The following CLPTM1 variants were observed in gnomAD, a reference collection of about 807,000 sequenced individuals.
CLPTM1 encodes the protein CLPTM1 regulator of GABA type A receptor forward trafficking.
A neutral mutation model predicts 77.3 loss-of-function variants in CLPTM1; 21 were observed. The ratio of observed to expected loss-of-function variants is 0.27; its 90% CI spans 0.19 to 0.39. The LOEUF is 0.39. Among genes scored for constraint, CLPTM1 ranks in the 10% least tolerant of loss-of-function variants. The pLI, the probability that CLPTM1 is intolerant of heterozygous loss-of-function variation, is 1.00. For missense variants in CLPTM1, 642 were observed against 921.2 expected, an observed-to-expected ratio of 0.70 and a Z score of 3.92; for synonymous variants, 373 against 381.0, an observed-to-expected ratio of 0.98 and a Z score of 0.24.
chr19:44,981,905 C>G (rs1555722282), intron 5 of CLPTM1, among the ~76,000 whole-genome samples: 1 of 151,506 alleles, frequency 6.6e-6, no homozygotes, highest in Non-Finnish European at 1.5e-5. Flanking sequence ...CCCTGTCTCA[C>G]AAATAAATAA....
intron 2 of CLPTM1, among the ~76,000 whole-genome samples, chr19:44,968,371 G>T (rs544853009): frequency 1.3e-5 from 2 of 152,172 alleles, no homozygotes; most frequent in Non-Finnish European, 2.9e-5. Context: ...GGTGGAGCAG[G>T]AACTGGGTAT....
At chr19:44,963,039 A>T (rs906645147) in intron 2 of CLPTM1, among the ~76,000 whole-genome samples, 3 of 132,502 alleles carry the variant, frequency 2.3e-5, no homozygotes, top group Non-Finnish European at 4.9e-5. Flanking sequence ...AAAATAAAAA[A>T]TACAAAAAAA....
At position 44,991,516 on chromosome 19, in the gene CLPTM1, A is replaced by G. The variant is rs1971075773; in HGVS notation, c.1555+143A>G. The G allele has an allele frequency of 3.2e-6, 3 of 943,630 alleles. No individual in the cohort carries two copies. Among genetic ancestry groups the G allele is most frequent in the Middle Eastern group, 3.4e-4 (1 of 2,970 alleles). 58.5% of individuals were successfully genotyped at this position (943,630 alleles called of 1,614,324 possible). ...GATATAGGGAGGCCCGAGGGCACAC[A>G]TGGCCCCATCTGGGGTCAGAGAGGA... On this transcript the variant is annotated intron_variant, in intron 12 of 13. Coordinates refer to ENST00000337392, the MANE Select transcript of CLPTM1 (RefSeq NM_001294.4). The surrounding 1 kb of genome is among the most constrained non-coding windows in gnomAD (Gnocchi z 5.4).
At position 44,990,333 on chromosome 19, in the gene CLPTM1, A is replaced by T; in HGVS notation, c.1133-62A>T. On this transcript the variant is annotated intron_variant, in intron 9 of 13. Coordinates refer to ENST00000337392, the MANE Select transcript of CLPTM1 (RefSeq NM_001294.4). This position sits in a 1 kb window ranked among gnomAD's most constrained non-coding sequence, Gnocchi z 4.8. ...GATGCAGGCCAAGGGGGCCTGAGGG[A>T]GCTGCAGTAGGGTCTCAGCACCTCC... The T allele has an allele frequency of 6.5e-7, 1 of 1,550,240 alleles. No individual in the cohort carries two copies.
At chr19:44,973,379 C>T (rs1970753050) in intron 3 of CLPTM1, among the ~76,000 whole-genome samples, 169 bp downstream of exon 3, 1 of 152,310 alleles carries the variant, frequency 6.6e-6, no homozygotes, top group African/African-American at 2.4e-5. Context: ...CACGTGAGAC[C>T]TCTGTCACCT....
At chr19:44,981,871 T>C (rs1473121296) in intron 5 of CLPTM1, among the ~76,000 whole-genome samples, 1 of 151,996 alleles carries the variant, frequency 6.6e-6, no homozygotes, top group African/African-American at 2.4e-5. Context: ...ACCACTGCAC[T>C]CTAGCCTGGA....
intron 2 of CLPTM1, among the ~76,000 whole-genome samples, chr19:44,966,125 A>G (rs1970624052): frequency 6.6e-6 from 1 of 152,112 alleles, no homozygotes; most frequent in African/African-American, 2.4e-5. Context: ...AAAAAGTGTA[A>G]TGTGGGCCGG....
chr19:44,991,432 C>A lies in CLPTM1; in HGVS notation c.1555+59C>A, dbSNP rs1971074326. 1 of 1,585,546 alleles carries A rather than the reference C, an allele frequency of 6.3e-7. No individual in the cohort carries two copies. Among genetic ancestry groups the A allele is most frequent in the East Asian group, 2.2e-5 (1 of 44,566 alleles). ...CCCCATGCTGCGCAGGGCTCACAGC[C>A]CCAGTGTAGGAGACAGACCCATCCC... is the stretch of plus-strand genomic sequence containing the variant. On this transcript the variant is annotated intron_variant, in intron 12 of 13. Transcript: ENST00000337392. This position sits in a 1 kb window ranked among gnomAD's most constrained non-coding sequence, Gnocchi z 5.4.
chr19:44,974,589 A>G lies in CLPTM1; in HGVS notation c.460A>G (p.Ile154Val), dbSNP rs1307561603. The G allele has an allele frequency of 6.2e-7, 1 of 1,613,924 alleles. No individual in the cohort carries two copies. The highest frequency in any genetic ancestry group is 8.5e-7 in the Non-Finnish European group (1 of 1,179,830). The part of the protein sequence containing the change: ...GCYEHFAELD[I>V]PQSVQQNGSI... ...CTACGAGCACTTTGCTGAGCTCGAT[A>G]TCCCACAGGTGGGGGCAGCTCTCGG... is the stretch of plus-strand genomic sequence containing the variant. The change falls in exon 4 of 14, where the codon ATC (isoleucine) becomes GTC (valine). Residue 154 changes from isoleucine to valine, a missense_variant. By Grantham distance (29) the Ile-to-Val change is conservative. This residue lies in a region of CLPTM1 where 521 missense variants were observed against 800.4 expected (regional missense o/e 0.65). Coordinates refer to ENST00000337392, the MANE Select transcript of CLPTM1 (RefSeq NM_001294.4).
chr19:44,972,091 G>A (rs117002742), intron 2 of CLPTM1, among the ~76,000 whole-genome samples: 7 of 151,064 alleles, frequency 4.6e-5, no homozygotes, highest in African/African-American at 7.3e-5. Flanking sequence ...CGATGATCTC[G>A]ATTTCTTGAC....
In CLPTM1 at chr19:44,991,243, A is replaced by G. The variant is rs1314745553; in HGVS notation, c.1425A>G (p.Ala475=). ...ESSTKVYDDM[A]FRYLSWILFP... ...CCCACCCTGTGGCCCCACAGATGGC[A>G]TTCCGGTACCTGTCCTGGATCCTCT... Residue 475 remains alanine (A), a synonymous_variant, in exon 12 of 14, where the codon GCA becomes GCG. Coordinates refer to ENST00000337392, the MANE Select transcript of CLPTM1 (RefSeq NM_001294.4). The surrounding 1 kb of genome is among the most constrained non-coding windows in gnomAD (Gnocchi z 5.4). The G allele has an allele frequency of 6.2e-7, 1 of 1,613,822 alleles. No individual in the cohort carries two copies. The highest frequency in any genetic ancestry group is 1.3e-5 in the African/African-American group (1 of 74,906).
rs369237301 is a variant in CLPTM1, at chr19:44,992,433, C to T, written c.1723+33C>T. 5.3e-5 allele frequency: 85 copies of T among 1,612,820 alleles called. No individual in the cohort carries two copies. The highest frequency in any genetic ancestry group is 8.8e-5 in the South Asian group (8 of 91,014). ...CCGGTGGGCAGGTGGGAGCTCCCAC[C>T]GGAACAGGGCCCTGAGGCAGTCTTT... On this transcript the variant is annotated intron_variant, in intron 13 of 13. Coordinates refer to ENST00000337392, the MANE Select transcript of CLPTM1 (RefSeq NM_001294.4). This position sits in a 1 kb window ranked among gnomAD's most constrained non-coding sequence, Gnocchi z 7.7.
At chr19:44,980,798 AT>A (rs967922578) in intron 5 of CLPTM1, among the ~76,000 whole-genome samples, 1 of 151,308 alleles carries the variant, frequency 6.6e-6, no homozygotes, top group African/African-American at 2.4e-5. Context: ...ACAAAAAAAA[AT>A]TTTATTTTAT....
At chr19:44,960,744 G>A (rs555016689) in intron 1 of CLPTM1, among the ~76,000 whole-genome samples, 1 of 152,306 alleles carries the variant, frequency 6.6e-6, no homozygotes. Flanking sequence ...GAGGGAAGTG[G>A]GTTTGGGTGA....
intron 5 of CLPTM1, among the ~76,000 whole-genome samples, chr19:44,978,336 C>T (rs1274876331): frequency 3.4e-5 from 5 of 146,930 alleles, no homozygotes; most frequent in East Asian, 2.0e-4. Context: ...ATCCAGGAGG[C>T]GGAGGTTGCA....
chr19:44,967,233 C>T (rs1442292978), intron 2 of CLPTM1, among the ~76,000 whole-genome samples: 2 of 152,118 alleles, frequency 1.3e-5, no homozygotes, highest in African/African-American at 2.4e-5. Flanking sequence ...GAGGGAGGAT[C>T]GCTTGAGCCC....
rs1600000957 is a variant in CLPTM1, at chr19:44,955,382, C to G, written c.-14C>G. 1.5e-6 allele frequency: 2 copies of G among 1,328,694 alleles called. No individual in the cohort carries two copies. Among genetic ancestry groups the G allele is most frequent in the Admixed American group, 3.8e-5 (1 of 26,142 alleles). 82.3% of individuals were successfully genotyped at this position (1,328,694 alleles called of 1,614,324 possible). A position where few individuals can be genotyped will look rare whatever the true frequency, so the allele number is the denominator to read the frequency against. The stretch of plus-strand genomic sequence containing the variant: ...GCGGGGCTGGCGGCGGGGGCGGGGA[C>G]CCGGAGCGGGAAGATGGCGGCGGCG... On this transcript the variant is annotated 5_prime_UTR_variant, in exon 1 of 14. Transcript: ENST00000337392.
In CLPTM1 at chr19:44,986,575, T is replaced by C; in HGVS notation, c.793T>C (p.Tyr265His). The C allele has an allele frequency of 6.2e-7, 1 of 1,613,470 alleles. No individual in the cohort carries two copies. The highest frequency in any genetic ancestry group is 1.1e-5 in the South Asian group (1 of 91,068). Residue 265 changes from tyrosine to histidine, a missense_variant and splice_region_variant, in exon 7 of 14, where the codon TAT becomes CAT. This residue lies in a region of CLPTM1 where 521 missense variants were observed against 800.4 expected (regional missense o/e 0.65). Coordinates refer to ENST00000337392, the MANE Select transcript of CLPTM1 (RefSeq NM_001294.4). ...KGSVPPPLDQ[Y>H]VKFDAVSGDY... ...CAGTGTGCCCCCTCCCCTGGATCAA[T>C]GTAAGCTCCCCAGCCCTGCCAGCTG...
chr19:44,977,648 A>G (rs549656546), intron 5 of CLPTM1, among the ~76,000 whole-genome samples, 188 bp downstream of exon 5: 25 of 152,292 alleles, frequency 1.6e-4, no homozygotes, highest in Admixed American at 1.4e-3. Flanking sequence ...GACACTAAGC[A>G]GGGATACCCA....
Sources: gnomAD v4.1 joint callset for allele counts (sites outside exome capture counted in the v4.1 genomes callset) on GRCh38, gnomAD v4.1.1 for gene constraint, gnomAD v4.1.1 regional missense constraint, Gnocchi (gnomAD v3.1) non-coding constraint, MANE v1.5 for transcripts, NCBI Gene and HGNC (gene_info 2026-07-23, HGNC 2026-07-21) for gene names.